Variants in NFIC observed in about 807,000 individuals in gnomAD.
The protein encoded by NFIC is nuclear factor I C.
A neutral mutation model predicts 54.4 loss-of-function variants in NFIC; 12 were observed. The ratio of observed to expected loss-of-function variants is 0.22; its 90% CI spans 0.14 to 0.36. The LOEUF is 0.36. Among genes scored for constraint, NFIC ranks in the 10% least tolerant of loss-of-function variants. The probability of loss-of-function intolerance (pLI) is 1.00; values close to 1 mark genes in which losing one functional copy is unlikely to be tolerated. For missense variants in NFIC, 575 were observed against 718.2 expected, an observed-to-expected ratio of 0.80 and a Z score of 2.28; for synonymous variants, 322 against 319.2, an observed-to-expected ratio of 1.01 and a Z score of -0.09.
chr19:3,386,137 A>G (rs1368531198), intron 2 of NFIC, among the ~76,000 whole-genome samples: 2 of 150,936 alleles, frequency 1.3e-5, no homozygotes, highest in East Asian at 4.0e-4. Flanking sequence ...CTGTAATCCC[A>G]GCACTTTGGG....
intron 2 of NFIC, among the ~76,000 whole-genome samples, chr19:3,423,083 A>G (rs758830790): frequency 5.9e-5 from 9 of 152,128 alleles, no homozygotes; most frequent in Middle Eastern, 3.2e-3. Context: ...CTGTAATCTC[A>G]GCTACTCTGG....
rs752665465 is a variant in NFIC at position 3,453,852 on chromosome 19, G to A, written c.1359G>A (p.Ala453=). 1.9e-5 allele frequency: 30 copies of A among 1,563,316 alleles called. No individual in the cohort carries two copies. The highest frequency in any genetic ancestry group is 1.5e-4 in the South Asian group (13 of 85,486). The change falls in exon 9 of 11, where the codon GCG becomes GCA. Residue 453 remains alanine (A), a synonymous_variant. Transcript: ENST00000443272. The surrounding 1 kb of genome is among the most constrained non-coding windows in gnomAD (Gnocchi z 6.7). ...APPPPGLPRL[A]LPPATKPATT... ...CGCCCCCGGGGCTGCCACGGCTGGC[G>A]CTCCCCCCTGCCACCAAACCCGCCA...
rs1359230328 is a variant in NFIC, at chr19:3,458,403, C to G, written c.1509+1768C>G. Among the ~76,000 whole-genome samples the G allele has an allele frequency of 2.6e-5, 4 of 152,192 alleles. No homozygotes were observed. Among genetic ancestry groups the G allele is most frequent in the African/African-American group, 9.7e-5 (4 of 41,446 alleles). On this transcript the variant is annotated intron_variant, in intron 10 of 10. Transcript: ENST00000443272. The surrounding 1 kb of genome is among the most constrained non-coding windows in gnomAD (Gnocchi z 4.1). ...GTGGGAGGAGGCCCAGCCCGCTTAA[C>G]CCTTCCCCAGCCTCTGCCTTGGACC...
chr19:3,429,136 TACAC>T (rs57006287), intron 3 of NFIC, among the ~76,000 whole-genome samples: 1,469 of 83,834 alleles, frequency 0.018, 25 homozygotes, highest in Middle Eastern at 0.064. Flanking sequence ...AAAAAAAATA[TACAC>T]ACACACACAC....
intron 2 of NFIC, among the ~76,000 whole-genome samples, chr19:3,393,830 A>C (rs1384616529): frequency 6.6e-6 from 1 of 151,488 alleles, no homozygotes; most frequent in African/African-American, 2.4e-5. Flanking sequence ...AAAAAAAAAA[A>C]AAAAAAAGAG....
intron 2 of NFIC, among the ~76,000 whole-genome samples, chr19:3,412,850 C>G (rs2081787003): frequency 6.6e-6 from 1 of 152,204 alleles, no homozygotes; most frequent in Admixed American, 6.5e-5. Flanking sequence ...TGAAATTTCT[C>G]TGGCCTGGCT....
At chr19:3,447,960 A>G (rs897463823) in intron 6 of NFIC, among the ~76,000 whole-genome samples, 3 of 152,216 alleles carry the variant, frequency 2.0e-5, no homozygotes, top group African/African-American at 4.8e-5. Context: ...GCTGGAGTGC[A>G]ATGGCGTGAT....
intron 2 of NFIC, among the ~76,000 whole-genome samples, chr19:3,391,449 G>A (rs1030848428): frequency 3.3e-5 from 5 of 152,054 alleles, no homozygotes; most frequent in East Asian, 3.9e-4. Flanking sequence ...TCAAGAATTC[G>A]AGACCAGCCC....
At chr19:3,409,425 C>G (rs1357516729) in intron 2 of NFIC, among the ~76,000 whole-genome samples, 2 of 152,192 alleles carry the variant, frequency 1.3e-5, no homozygotes, top group Admixed American at 1.3e-4. Context: ...CTCCGTAGAA[C>G]CTAGAACCGT....
At chr19:3,421,916 T>TA (rs1342035332) in intron 2 of NFIC, among the ~76,000 whole-genome samples, 1 of 152,102 alleles carries the variant, frequency 6.6e-6, no homozygotes, top group Non-Finnish European at 1.5e-5. Context: ...AGGTGCCTGC[T>TA]ACCATGCCTG....
At chr19:3,451,852 C>T (rs1478347073) in intron 7 of NFIC, among the ~76,000 whole-genome samples, 2 of 151,286 alleles carry the variant, frequency 1.3e-5, no homozygotes, top group Non-Finnish European at 2.9e-5. Flanking sequence ...TGCAGTGGCT[C>T]ACGCCTGCAA....
At chr19:3,462,621 T>C in intron 10 of NFIC, 131 bp from the exon 11 acceptor site, 2 of 1,029,806 alleles carry the variant, frequency 1.9e-6, no homozygotes, top group Admixed American at 3.8e-5. Context: ...ATGGGGAAAC[T>C]GAGGTCACAG....
At chr19:3,374,295 C>G (rs2081069474) in intron 1 of NFIC, among the ~76,000 whole-genome samples, 1 of 152,156 alleles carries the variant, frequency 6.6e-6, no homozygotes, top group African/African-American at 2.4e-5. Flanking sequence ...TCTCTTTGGC[C>G]AGGAAGTCCC....
intron 5 of NFIC, 86 bp downstream of exon 5, chr19:3,434,486 C>A (rs1001302641): frequency 8.6e-5 from 126 of 1,457,636 alleles, no homozygotes; most frequent in Non-Finnish European, 1.1e-4. Context: ...TCATTCCTCT[C>A]CCTGGAATAC....
rs542068323 is a variant in NFIC at position 3,451,632 on chromosome 19, T to TAAAAAAAAAAAAA, written c.1085-846_1085-834dup. Among the ~76,000 whole-genome samples, 21 of 131,562 alleles carry TAAAAAAAAAAAAA rather than the reference T, an allele frequency of 1.6e-4. 1 individual carries two copies. The highest frequency in any genetic ancestry group is 5.8e-4 in the African/African-American group (21 of 36,126). The allele number at this position is 131,562 out of a possible 152,430, so 86.3% of individuals were successfully genotyped here. On this transcript the variant is annotated intron_variant, in intron 7 of 10. Transcript: ENST00000443272. ...GGTGACAAAGCGAGATTCTATCTCT[T>TAAAAAAAAAAAAA]AAAAAAAAAAAAAAAAGATCACTAT...
At chr19:3,437,325 G>T (rs557454893) in intron 6 of NFIC, among the ~76,000 whole-genome samples, 1 of 151,154 alleles carries the variant, frequency 6.6e-6, no homozygotes, top group Non-Finnish European at 1.5e-5. Flanking sequence ...CTGAGATGGC[G>T]CCACTGCACT....
At chr19:3,373,617 ACCCCCCCCCCAAGCTAAAAAACAC>A (rs942933965) in intron 1 of NFIC, among the ~76,000 whole-genome samples, 7 of 78,560 alleles carry the variant, frequency 8.9e-5, no homozygotes, top group Non-Finnish European at 1.3e-4. Context: ...ACCTTCCTGG[ACCCCCCCCCCAAGCTAAAAAACAC>A]CCCCCACCCC....
intron 2 of NFIC, among the ~76,000 whole-genome samples, chr19:3,404,369 C>T (rs1418204984): frequency 1.3e-5 from 2 of 152,152 alleles, no homozygotes; most frequent in African/African-American, 4.8e-5. Flanking sequence ...TAACCTTGCT[C>T]CTCACATCCC....
Position 3,452,600 on chromosome 19 carries a change from C to T in NFIC, c.1203C>T (p.Asn401=). The change falls in exon 8 of 11, where the codon AAC becomes AAT. Residue 401 remains asparagine (N), a synonymous_variant. Transcript: ENST00000443272. This position sits in a 1 kb window ranked among gnomAD's most constrained non-coding sequence, Gnocchi z 5.3. ...HTAIRYPPHL[N]PQDPLKDLVS... ...CCATCCGCTACCCACCTCATCTCAA[C>T]CCCCAGGACCCGCTCAAAGATCTTG... 6.2e-7 allele frequency: 1 copy of T among 1,613,866 alleles called. No individual in the cohort carries two copies. The highest frequency in any genetic ancestry group is 8.5e-7 in the Non-Finnish European group (1 of 1,179,988).
Sources: allele counts gnomAD v4.1 joint callset (sites outside exome capture counted in the v4.1 genomes callset), GRCh38; gene constraint gnomAD v4.1.1; non-coding constraint Gnocchi (gnomAD v3.1); transcripts MANE v1.5; gene names NCBI Gene and HGNC (gene_info 2026-07-23, HGNC 2026-07-21).